Variants in CPNE4 observed in about 807,000 individuals in gnomAD.
The protein encoded by CPNE4 is copine-4.
Under a neutral mutation model 67.9 loss-of-function variants are expected in CPNE4, and 25 were observed. The observed-to-expected ratio is 0.37, with a 90% CI of 0.27 to 0.51. The LOEUF (loss-of-function observed/expected upper bound fraction) is 0.51. CPNE4 is among the 20% of genes least tolerant of loss of function. The pLI is 0.93. For missense variants in CPNE4, 464 were observed against 690.8 expected (o/e 0.67, Z 3.68); for synonymous variants, 242 against 244.9 (o/e 0.99, Z 0.11).
chr3:131,567,127 G>A (rs1236214162), intron 10 of CPNE4, among the ~76,000 whole-genome samples: 1 of 151,878 alleles, frequency 6.6e-6, no homozygotes, highest in African/African-American at 2.4e-5. Context: ...TGAAACTCCT[G>A]AAGTGTTAAG....
At chr3:131,566,119 C>G (rs1230793785) in intron 10 of CPNE4, among the ~76,000 whole-genome samples, 1 of 151,762 alleles carries the variant, frequency 6.6e-6, no homozygotes, top group African/African-American at 2.4e-5. Flanking sequence ...ATGTCTATGA[C>G]CAAAACACCA....
At chr3:131,649,422 C>G (rs1560045313) in intron 7 of CPNE4, among the ~76,000 whole-genome samples, 1 of 152,112 alleles carries the variant, frequency 6.6e-6, no homozygotes. Context: ...GTTCCTATTA[C>G]GAGAGGCACC....
intron 2 of CPNE4, among the ~76,000 whole-genome samples, chr3:131,844,746 A>G (rs565558814): frequency 1.9e-3 from 291 of 152,296 alleles, no homozygotes; most frequent in African/African-American, 6.2e-3. Flanking sequence ...TTAAGGTGTT[A>G]TTATCATTTT....
At chr3:131,632,551 C>T (rs2079257053) in intron 7 of CPNE4, among the ~76,000 whole-genome samples, 1 of 152,146 alleles carries the variant, frequency 6.6e-6, no homozygotes, top group South Asian at 2.1e-4. Context: ...CTTTGTTGAT[C>T]TATCAACAGC....
chr3:131,779,584 A>G (rs946603298), intron 2 of CPNE4, among the ~76,000 whole-genome samples: 1 of 152,158 alleles, frequency 6.6e-6, no homozygotes, highest in Non-Finnish European at 1.5e-5. Context: ...GCAATGGGGA[A>G]AGAACTTCCT....
chr3:131,549,936 C>T lies in CPNE4; in HGVS notation c.1302+11G>A, dbSNP rs771874480. The T allele has an allele frequency of 1.2e-6, 2 of 1,612,562 alleles. No homozygotes were observed. The highest frequency in any genetic ancestry group is 2.2e-5 in the South Asian group (2 of 91,006). ...AAGCTCCCCTTAGGAGGCAAATAGC[C>T]CCCTCCTTACCGATGCCTCCTTGGT... On this transcript the variant is annotated intron_variant, in intron 14 of 15. Coordinates refer to ENST00000429747, the MANE Select transcript of CPNE4 (RefSeq NM_130808.3).
chr3:131,774,379 G>A (rs1185607351), intron 2 of CPNE4, among the ~76,000 whole-genome samples: 1 of 151,900 alleles, frequency 6.6e-6, no homozygotes, highest in Non-Finnish European at 1.5e-5. Context: ...ACACAGGAGA[G>A]TGAGGACATA....
At chr3:131,792,619 G>GTATATA (rs1163869780) in intron 2 of CPNE4, among the ~76,000 whole-genome samples, 3 of 56,952 alleles carry the variant, frequency 5.3e-5, no homozygotes, top group African/African-American at 1.7e-4. Context: ...GTGTATATAT[G>GTATATA]TATATATATA....
At chr3:131,901,704 G>T (rs891462089) in intron 2 of CPNE4, among the ~76,000 whole-genome samples, 1 of 152,050 alleles carries the variant, frequency 6.6e-6, no homozygotes, top group Non-Finnish European at 1.5e-5. Flanking sequence ...CTCCGACCAT[G>T]ATCCAGCTTC....
intron 2 of CPNE4, among the ~76,000 whole-genome samples, chr3:131,792,150 G>A (rs1483660826): frequency 6.6e-6 from 1 of 152,170 alleles, no homozygotes; most frequent in East Asian, 1.9e-4. Flanking sequence ...TGATATAGGG[G>A]TGTTGCCATT....
intron 11 of CPNE4, among the ~76,000 whole-genome samples, chr3:131,560,169 T>C (rs1188440806): frequency 3.9e-5 from 6 of 152,150 alleles, no homozygotes; most frequent in African/African-American, 1.4e-4. Context: ...AGGTAGAACC[T>C]GTGTTAGCCA....
rs1160011614 is a variant in CPNE4 at position 131,562,171 on chromosome 3, C to CA, written c.1061+2044dup. Among the ~76,000 whole-genome samples the CA allele has an allele frequency of 5.3e-5, 8 of 151,908 alleles. No individual in the cohort carries two copies. The East Asian group carries it at 9.7e-4, about 18-fold the overall frequency. On this transcript the variant is annotated intron_variant, in intron 11 of 15. Coordinates refer to ENST00000429747, the MANE Select transcript of CPNE4 (RefSeq NM_130808.3). ...TATTGAATCTGCATTTTTGAGGGAACAAAAAATGCTCCCCAGACTTTGTCT... is the reference window on the plus strand; with the variant it reads ...TATTGAATCTGCATTTTTGAGGGAACAAAAAAATGCTCCCCAGACTTTGTCT...
chr3:131,779,087 T>C (rs1048081853), intron 2 of CPNE4, among the ~76,000 whole-genome samples: 5 of 152,034 alleles, frequency 3.3e-5, no homozygotes, highest in African/African-American at 1.2e-4. Context: ...CCATTCACAA[T>C]AGCCACAAAA....
intron 1 of CPNE4, among the ~76,000 whole-genome samples, chr3:131,936,795 A>G (rs1388773418): frequency 1.3e-5 from 2 of 152,074 alleles, no homozygotes; most frequent in African/African-American, 2.4e-5. Context: ...GAGCACAAAT[A>G]TAAGAAATCA....
intron 7 of CPNE4, among the ~76,000 whole-genome samples, chr3:131,613,841 C>G (rs1354465595): frequency 6.6e-6 from 1 of 152,152 alleles, no homozygotes; most frequent in Non-Finnish European, 1.5e-5. Flanking sequence ...TGATGGCATC[C>G]AATTCATCCT....
intron 1 of CPNE4, among the ~76,000 whole-genome samples, chr3:132,008,359 A>G (rs141777023): frequency 0.016 from 2,473 of 152,328 alleles, 25 homozygotes; most frequent in Non-Finnish European, 0.025. Flanking sequence ...TAAAAATAAT[A>G]TCATTTATCA....
intron 8 of CPNE4, among the ~76,000 whole-genome samples, chr3:131,585,426 C>T (rs1049249534): frequency 6.6e-6 from 1 of 152,134 alleles, no homozygotes; most frequent in African/African-American, 2.4e-5. Context: ...TACACCAAAA[C>T]AGTGGCTGGG....
intron 1 of CPNE4, among the ~76,000 whole-genome samples, chr3:132,021,655 G>T (rs1280987038): frequency 6.6e-6 from 1 of 151,906 alleles, no homozygotes; most frequent in East Asian, 1.9e-4. Flanking sequence ...ATGTGCTACA[G>T]ATTGCTGATC....
intron 1 of CPNE4, among the ~76,000 whole-genome samples, chr3:131,952,687 C>T (rs1208804248): frequency 6.6e-6 from 1 of 151,382 alleles, no homozygotes; most frequent in Non-Finnish European, 1.5e-5. Flanking sequence ...CCCGGCCGCC[C>T]CTACTGGGAA....
Sources: allele counts gnomAD v4.1 joint callset (sites outside exome capture counted in the v4.1 genomes callset), GRCh38; gene constraint gnomAD v4.1.1; transcripts MANE v1.5; gene names NCBI Gene and HGNC (gene_info 2026-07-23, HGNC 2026-07-21).